FGF13: variants seen among roughly 807,000 people sequenced by gnomAD.
FGF13 encodes fibroblast growth factor 13.
In FGF13, 2 loss-of-function variants were observed where a neutral mutation model predicts 19.5. The observed-to-expected ratio is 0.10, with a 90% CI of 0.04 to 0.32. FGF13 has a LOEUF of 0.32. FGF13 is among the 10% of genes least tolerant of loss of function. The pLI, the probability that FGF13 is intolerant of heterozygous loss-of-function variation, is 1.00. For synonymous variants in FGF13, 72 were observed against 76.9 expected, an observed-to-expected ratio of 0.94 and a Z score of 0.33; for missense variants, 113 against 192.7, an observed-to-expected ratio of 0.59 and a Z score of 2.45.
At chrX:138,657,372 T>G (rs2089448318) in intron 3 of FGF13, among the ~76,000 whole-genome samples, 1 of 111,774 alleles carries the variant, frequency 8.9e-6, no homozygotes, top group Non-Finnish European at 1.9e-5. Flanking sequence ...ATCACCATGT[T>G]ATTCACTTAT....
Position 138,624,221 on chromosome X carries a change from G to A in FGF13, c.*8629C>T, listed in dbSNP as rs1301970644. ...AAAACAGTATGGTATTGGCATAGAA[G>A]CAGACACATAGACCAATGGAACAGA... On this transcript the variant is annotated 3_prime_UTR_variant, in exon 5 of 5. Transcript: ENST00000315930. The A allele has an allele frequency of 1.8e-5, 2 of 111,750 alleles. No homozygotes were observed. The highest frequency in any genetic ancestry group is 3.8e-5 in the Non-Finnish European group (2 of 53,157). 9.2% of individuals were successfully genotyped at this position (111,750 alleles called of 1,213,427 possible).
At chrX:139,200,064 C>A (rs745805342) in intron 1 of FGF13, among the ~76,000 whole-genome samples, 17 of 112,101 alleles carry the variant, frequency 1.5e-4, no homozygotes, top group African/African-American at 5.5e-4. Context: ...GCTATGATCA[C>A]CTCCTTCAGC....
At chrX:138,807,350 A>G (rs1055411003) in intron 3 of FGF13, among the ~76,000 whole-genome samples, 2 of 111,884 alleles carry the variant, frequency 1.8e-5, no homozygotes, top group African/African-American at 6.5e-5. Context: ...GCTAAGCTTC[A>G]TAAGTGAAGG....
intron 1 of FGF13, among the ~76,000 whole-genome samples, chrX:139,142,439 A>T (rs989003392): frequency 2.7e-5 from 3 of 112,124 alleles, no homozygotes; most frequent in African/African-American, 9.7e-5. Context: ...TCTCTTCAGG[A>T]AAACTTTAAT....
rs776838499 is a variant in FGF13, at chrX:138,648,233, T to C, written c.403-12578A>G. ...CTGTGAACAGAACCGTAACACTCCC[T>C]TAATATATCTTATCATTGCACTTTT... On this transcript the variant is annotated intron_variant, in intron 3 of 4. Coordinates refer to ENST00000315930, the MANE Select transcript of FGF13 (RefSeq NM_004114.5). Among the ~76,000 whole-genome samples, 12 of 112,026 alleles carry C rather than the reference T, an allele frequency of 1.1e-4. 1 individual carries two copies. Among genetic ancestry groups the C allele is most frequent in the Non-Finnish European group, 2.3e-4 (12 of 53,187 alleles).
rs1395232117 is a variant in FGF13 at position 138,630,853 on chromosome X, A to C, written c.*1997T>G. 8.9e-6 allele frequency: 1 copy of C among 112,288 alleles called. No individual in the cohort carries two copies. The highest frequency in any genetic ancestry group is 3.2e-5 in the African/African-American group (1 of 30,934). 9.3% of individuals were successfully genotyped at this position (112,288 alleles called of 1,213,427 possible). On this transcript the variant is annotated 3_prime_UTR_variant, in exon 5 of 5. Transcript: ENST00000315930. ...GCATTTAATACACCTAACCTAGCAA[A>C]CATCATAGCTTAGCCTAGCCTACTT...
chrX:139,150,252 T>C (rs1459819657), intron 1 of FGF13, among the ~76,000 whole-genome samples: 1 of 111,615 alleles, frequency 9.0e-6, no homozygotes, highest in Non-Finnish European at 1.9e-5. Context: ...TGTTGCAGGA[T>C]AAAGTGATCC....
At chrX:138,915,358 A>G (rs2091612788) in intron 1 of FGF13, among the ~76,000 whole-genome samples, 1 of 111,684 alleles carries the variant, frequency 9.0e-6, no homozygotes, top group South Asian at 3.8e-4. Context: ...AACTTGGAAG[A>G]AGAAATTGGA....
chrX:138,707,492 A>G (rs1041818206), intron 2 of FGF13, among the ~76,000 whole-genome samples: 1 of 111,169 alleles, frequency 9.0e-6, no homozygotes, highest in Non-Finnish European at 1.9e-5. Context: ...CCCAAATATC[A>G]ATTTGCACAA....
chrX:138,995,485 C>A (rs1470689065), intron 1 of FGF13, among the ~76,000 whole-genome samples: 1 of 111,412 alleles, frequency 9.0e-6, no homozygotes, highest in Non-Finnish European at 1.9e-5. Context: ...CCTCCCCCAA[C>A]TAGTGTCTGT....
At position 138,970,869 on chromosome X, in the gene FGF13, C is replaced by G. The variant is rs2179315; in HGVS notation, c.-112-106219G>C. On this transcript the variant is annotated intron_variant, in intron 1 of 2. Transcript: ENST00000421460. Reference sequence around the variant, plus strand: ...TGAGAATTTATAGATAAATGTTACACTTCGATGCTTAATTCAAATAACCAC... The same window carrying G: ...TGAGAATTTATAGATAAATGTTACAGTTCGATGCTTAATTCAAATAACCAC... 2.7e-5 allele frequency among the ~76,000 whole-genome samples: 3 copies of G among 110,242 alleles called. No homozygotes were observed. The East Asian group carries it at 8.6e-4, about 32-fold the overall frequency.
At chrX:138,861,578 C>T (rs2091288252) in intron 2 of FGF13, among the ~76,000 whole-genome samples, 2 of 112,221 alleles carry the variant, frequency 1.8e-5, no homozygotes, top group Non-Finnish European at 1.9e-5. Flanking sequence ...TTTAATGCCA[C>T]TCCTTTGTTT....
chrX:139,070,394 T>A lies in FGF13; in HGVS notation c.-113+133022A>T, dbSNP rs775761771. 1.2e-4 allele frequency among the ~76,000 whole-genome samples: 13 copies of A among 112,399 alleles called. No homozygotes were observed. In the South Asian group the frequency reaches 4.8e-3, roughly 42 times the overall value. ...ATGAAAAAAAGCTCATCATCACTGG[T>A]CATTAGAGAAACGCAAATCAAAACC... On this transcript the variant is annotated intron_variant, in intron 1 of 2. Transcript: ENST00000421460.
chrX:138,772,018 G>GTATATATATATA (rs56411673), intron 3 of FGF13, among the ~76,000 whole-genome samples: 10 of 56,520 alleles, frequency 1.8e-4, no homozygotes, highest in Non-Finnish European at 2.4e-4. Flanking sequence ...ATACATATGT[G>GTATATATATATA]TATATATATA....
At chrX:138,983,302 C>G (rs2091971456) in intron 1 of FGF13, among the ~76,000 whole-genome samples, 1 of 107,247 alleles carries the variant, frequency 9.3e-6, no homozygotes, top group Admixed American at 1.0e-4. Context: ...GAGACGGGGT[C>G]TAATTTTATT....
chrX:138,976,314 G>T (rs926265840), intron 1 of FGF13, among the ~76,000 whole-genome samples: 2 of 111,758 alleles, frequency 1.8e-5, no homozygotes, highest in Non-Finnish European at 3.8e-5. Context: ...ATCAACCAAT[G>T]AGTGGATAAA....
At chrX:138,652,838 TA>T (rs1393017406) in intron 3 of FGF13, among the ~76,000 whole-genome samples, 1 of 111,996 alleles carries the variant, frequency 8.9e-6, no homozygotes, top group Non-Finnish European at 1.9e-5. Context: ...AATTAATCAT[TA>T]AAAGCAGCAA....
At chrX:139,023,710 T>C (rs748278118) in intron 1 of FGF13, among the ~76,000 whole-genome samples, 17 of 111,303 alleles carry the variant, frequency 1.5e-4, no homozygotes, top group Non-Finnish European at 2.1e-4. Flanking sequence ...CTGAATATCA[T>C]GCGGTAGAAG....
intron 4 of FGF13, 104 bp downstream of exon 4, chrX:138,635,349 TTGTC>T: frequency 2.6e-6 from 2 of 764,810 alleles, no homozygotes; most frequent in Non-Finnish European, 1.9e-6. Flanking sequence ...ACTAAATAGC[TTGTC>T]TATGTAACCA....
Sources: allele counts gnomAD v4.1 joint callset (sites outside exome capture counted in the v4.1 genomes callset), GRCh38; gene constraint gnomAD v4.1.1; transcripts MANE v1.5; gene names NCBI Gene and HGNC (gene_info 2026-07-23, HGNC 2026-07-21).